The following RGSL1 variants were observed in gnomAD, a reference collection of about 807,000 sequenced individuals.
RGSL1 encodes the protein regulator of G protein signaling like 1, also known as regulator of G protein signaling protein-like.
Under a neutral mutation model 124.7 loss-of-function variants are expected in RGSL1, and 97 were observed. The ratio of observed to expected loss-of-function variants is 0.78; its 90% CI spans 0.66 to 0.92. RGSL1 has a LOEUF of 0.92. RGSL1 is among the 40% of genes least tolerant of loss of function. The probability of loss-of-function intolerance (pLI) is 0.00; values close to 1 mark genes in which losing one functional copy is unlikely to be tolerated. For missense variants in RGSL1, 1,233 were observed against 1,288.4 expected, an observed-to-expected ratio of 0.96 and a Z score of 0.66; for synonymous variants, 424 against 438.1, an observed-to-expected ratio of 0.97 and a Z score of 0.40.
intron 15 of RGSL1, among the ~76,000 whole-genome samples, chr1:182,543,358 T>C (rs1438514031): frequency 6.6e-6 from 1 of 152,188 alleles, no homozygotes; most frequent in Non-Finnish European, 1.5e-5. Context: ...TGTTTATTGA[T>C]TTGCGTATGT....
chr1:182,480,141 G>A (rs1178698964), intron 6 of RGSL1, among the ~76,000 whole-genome samples: 1 of 152,086 alleles, frequency 6.6e-6, no homozygotes, highest in Non-Finnish European at 1.5e-5. Context: ...AAAGCAACTG[G>A]ACCTAACAGT....
intron 9 of RGSL1, among the ~76,000 whole-genome samples, chr1:182,511,539 C>T (rs1657462314): frequency 6.6e-6 from 1 of 152,126 alleles, no homozygotes; most frequent in Admixed American, 6.5e-5. Flanking sequence ...CTTCTTTGCA[C>T]ATTTGTTGAA....
At chr1:182,454,237 T>C (rs1219713011) in intron 2 of RGSL1, among the ~76,000 whole-genome samples, 197 bp downstream of exon 2, 1 of 152,172 alleles carries the variant, frequency 6.6e-6, no homozygotes, top group African/African-American at 2.4e-5. Flanking sequence ...AGCTTCCCAT[T>C]GTTGATGTCA....
At chr1:182,528,442 T>C (rs542995288) in intron 11 of RGSL1, among the ~76,000 whole-genome samples, 1 of 152,100 alleles carries the variant, frequency 6.6e-6, no homozygotes, top group South Asian at 2.1e-4. Context: ...GTCCAAAGTC[T>C]CATCTGAGAT....
chr1:182,511,428 A>G (rs1279512600), intron 9 of RGSL1, among the ~76,000 whole-genome samples: 1 of 152,116 alleles, frequency 6.6e-6, no homozygotes, highest in Non-Finnish European at 1.5e-5. Context: ...CTTCCCTAAG[A>G]GCTGGGATTA....
chr1:182,527,632 T>C lies in RGSL1; in HGVS notation c.1985T>C (p.Phe662Ser). The change falls in exon 11 of 22, where the codon TTC becomes TCC. Residue 662 changes from phenylalanine (F) to serine (S), a missense_variant. Physicochemically the swap from Phe to Ser is radical, Grantham distance 155 (BLOSUM62 -2). Transcript: ENST00000294854. ...NTQHLEFFREFLKERKAKIPL... is the reference protein window; with the variant it reads ...NTQHLEFFRESLKERKAKIPL... ...CAGCACTTGGAGTTCTTCAGGGAGT[T>C]CCTCAAGGAACGGAAGGCTAAAATC... 1.3e-6 allele frequency: 2 copies of C among 1,551,774 alleles called. No homozygotes were observed. The highest frequency in any genetic ancestry group is 1.7e-6 in the Non-Finnish European group (2 of 1,146,902).
intron 6 of RGSL1, among the ~76,000 whole-genome samples, chr1:182,482,489 T>C (rs953464510): frequency 6.6e-6 from 1 of 152,228 alleles, no homozygotes; most frequent in Non-Finnish European, 1.5e-5. Context: ...TGTTTGCAGA[T>C]GACATGATCT....
At chr1:182,451,056 G>A (rs1027199736) in intron 1 of RGSL1, among the ~76,000 whole-genome samples, 1 of 144,428 alleles carries the variant, frequency 6.9e-6, no homozygotes, top group African/African-American at 2.6e-5. Flanking sequence ...TGAGACACAA[G>A]AATCACTTGA....
In RGSL1 at chr1:182,511,234, C is replaced by T. The variant is rs958083077; in HGVS notation, c.1826-10770C>T. On this transcript the variant is annotated intron_variant, in intron 9 of 21. Coordinates refer to ENST00000294854, the MANE Select transcript of RGSL1 (RefSeq NM_001137669.2). ...AGGCTGGAGTGCAATGGCATGATCT[C>T]GGCTCACTGCAACGTGTGCCTCCCG... Among the ~76,000 whole-genome samples, 5 of 152,236 alleles carry T rather than the reference C, an allele frequency of 3.3e-5. No homozygotes were observed. In the East Asian group the frequency reaches 7.7e-4, roughly 24 times the overall value.
chr1:182,556,219 A>T lies in RGSL1; in HGVS notation c.*162A>T, dbSNP rs921814283. ...CCAGATATGGCAGGACCAGACTGCA[A>T]TGGGTAAGACTTGGGCAGAGCATGA... On this transcript the variant is annotated 3_prime_UTR_variant, in exon 21 of 22. Coordinates refer to ENST00000294854, the MANE Select transcript of RGSL1 (RefSeq NM_001137669.2). 9.0e-6 allele frequency: 6 copies of T among 670,058 alleles called. No homozygotes were observed. The highest frequency in any genetic ancestry group is 1.5e-5 in the Non-Finnish European group (6 of 388,380). The allele number at this position is 670,058 out of a possible 1,614,324, so 41.5% of individuals were successfully genotyped here. A position where few individuals can be genotyped will look rare whatever the true frequency, so the allele number is the denominator to read the frequency against.
chr1:182,515,846 T>C (rs1194912813), intron 9 of RGSL1, among the ~76,000 whole-genome samples: 1 of 152,162 alleles, frequency 6.6e-6, no homozygotes, highest in Non-Finnish European at 1.5e-5. Context: ...GAGGAGCCCC[T>C]GTGGCCATGG....
rs981212850 is a variant in RGSL1 at position 182,548,933 on chromosome 1, G to A, written c.2933+109G>A. 62 of 1,349,656 alleles carry A rather than the reference G, an allele frequency of 4.6e-5. No homozygotes were observed. The Middle Eastern group carries it at 5.6e-4, about 12-fold the overall frequency. The allele number at this position is 1,349,656 out of a possible 1,614,324, so 83.6% of individuals were successfully genotyped here. A position where few individuals can be genotyped will look rare whatever the true frequency, so the allele number is the denominator to read the frequency against. ...TCTGTTTCGTAGTTTCCAGTTTCTAGGGGGAACTAAGATGGTGTTTTCAAA... is the reference window on the plus strand; with the variant it reads ...TCTGTTTCGTAGTTTCCAGTTTCTAAGGGGAACTAAGATGGTGTTTTCAAA... On this transcript the variant is annotated intron_variant, in intron 17 of 21. Coordinates refer to ENST00000294854, the MANE Select transcript of RGSL1 (RefSeq NM_001137669.2).
chr1:182,534,141 T>C (rs918233381), intron 14 of RGSL1, among the ~76,000 whole-genome samples: 1 of 152,222 alleles, frequency 6.6e-6, no homozygotes, highest in Non-Finnish European at 1.5e-5. Context: ...ATTGTGTGTT[T>C]CTATGAAACA....
intron 14 of RGSL1, among the ~76,000 whole-genome samples, chr1:182,533,930 G>A (rs1659366356): frequency 6.6e-6 from 1 of 152,156 alleles, no homozygotes; most frequent in South Asian, 2.1e-4. Flanking sequence ...TTCTAGGTAT[G>A]CACAGAATCA....
intron 6 of RGSL1, among the ~76,000 whole-genome samples, chr1:182,480,143 C>T (rs1654585901): frequency 1.3e-5 from 2 of 152,086 alleles, no homozygotes; most frequent in Admixed American, 6.6e-5. Context: ...AGCAACTGGA[C>T]CTAACAGTCA....
chr1:182,555,997 A>G (rs1357391382), intron 20 of RGSL1, 27 bp from the exon 21 acceptor site: 3 of 1,545,112 alleles, frequency 1.9e-6, no homozygotes, highest in East Asian at 2.4e-5. Flanking sequence ...CATAATTGTG[A>G]TAACTGGCTG....
Position 182,556,099 on chromosome 1 carries a change from C to A in RGSL1, c.*42C>A, listed in dbSNP as rs768064524. ...GCAGAGATAAATCATCTCTTAGAGG[C>A]CTCCTAACACTGACAGAAACTTTTC... On this transcript the variant is annotated 3_prime_UTR_variant, in exon 21 of 22. Transcript: ENST00000294854. The A allele has an allele frequency of 6.6e-7, 1 of 1,518,072 alleles. No individual in the cohort carries two copies. Among genetic ancestry groups the A allele is most frequent in the Non-Finnish European group, 8.9e-7 (1 of 1,122,934 alleles). The allele number at this position is 1,518,072 out of a possible 1,614,324, so 94.0% of individuals were successfully genotyped here.
intron 10 of RGSL1, among the ~76,000 whole-genome samples, chr1:182,525,413 T>C (rs764934326): frequency 5.3e-5 from 8 of 152,052 alleles, no homozygotes; most frequent in Non-Finnish European, 1.2e-4. Context: ...ATGATAATGA[T>C]TAACCAAATA....
In RGSL1 at chr1:182,527,716, G is replaced by A; in HGVS notation, c.2069G>A (p.Cys690Tyr). The A allele has an allele frequency of 6.4e-7, 1 of 1,550,984 alleles. No individual in the cohort carries two copies. The highest frequency in any genetic ancestry group is 8.7e-7 in the Non-Finnish European group (1 of 1,146,652). ...AGTATAGAGACCAATGAAAAGATTT[G>A]CAAGTCTCTCATAGAAAATGTAATC... ...KISIETNEKI[C>Y]KSLIENVIKT... The change falls in exon 11 of 22, where the codon TGC (cysteine) becomes TAC (tyrosine). Residue 690 changes from cysteine (C) to tyrosine (Y), a missense_variant. By Grantham distance (194) the Cys-to-Tyr change is radical. Coordinates refer to ENST00000294854, the MANE Select transcript of RGSL1 (RefSeq NM_001137669.2).
Sources: gnomAD v4.1 joint callset for allele counts (sites outside exome capture counted in the v4.1 genomes callset) on GRCh38, gnomAD v4.1.1 for gene constraint, MANE v1.5 for transcripts, NCBI Gene and HGNC (gene_info 2026-07-23, HGNC 2026-07-21) for gene names.